Variants in CACNA1B observed in about 807,000 individuals in gnomAD.
CACNA1B encodes voltage-dependent N-type calcium channel subunit alpha-1B.
A neutral mutation model predicts 247.2 loss-of-function variants in CACNA1B; 70 were observed. That is an observed-to-expected ratio of 0.28 (90% CI 0.23 to 0.35). The LOEUF is 0.35. Ranked by LOEUF, CACNA1B falls within the 10% of genes least tolerant of loss-of-function variation. The pLI is 1.00. For missense variants in CACNA1B, 2,367 were observed against 3,197.4 expected, an observed-to-expected ratio of 0.74 and a Z score of 6.26; for synonymous variants, 1,231 against 1,294.4, an observed-to-expected ratio of 0.95 and a Z score of 1.05.
rs200647995 is a variant in CACNA1B at position 138,105,704 on chromosome 9, G to A, written c.5325G>A (p.Leu1775=). The A allele has an allele frequency of 3.9e-6, 6 of 1,550,210 alleles. No homozygotes were observed. In the South Asian group the frequency reaches 4.7e-5, roughly 12 times the overall value. ...CCGGCCCTGCTTGTCCCTAGCGCCT[G>A]GTTCGCATGAACATGCCCATCTCCA... The part of the protein sequence containing the change: ...KCPARVAYKR[L]VRMNMPISNE... Residue 1775 remains leucine (L), a synonymous_variant, in exon 39 of 47, where the codon CTG becomes CTA. Transcript: ENST00000371372.
chr9:137,969,903 G>C (rs1226495580), intron 10 of CACNA1B, among the ~76,000 whole-genome samples: 1 of 152,140 alleles, frequency 6.6e-6, no homozygotes. Flanking sequence ...TGTGGGGAGT[G>C]GTCATCCCTG....
chr9:137,884,132 C>G (rs1418689864), intron 3 of CACNA1B, among the ~76,000 whole-genome samples: 30 of 152,200 alleles, frequency 2.0e-4, no homozygotes, highest in Admixed American at 1.4e-3. Flanking sequence ...GGGCTGGCCC[C>G]TGCTGGGTGA....
Position 138,077,115 on chromosome 9 carries a change from A to G in CACNA1B, c.4950-999A>G, listed in dbSNP as rs1441233275. On this transcript the variant is annotated intron_variant, in intron 35 of 46. Transcript: ENST00000371372. ...TCCCTGAACTTCGTGTTCCCTGGGA[A>G]CACCCTTATCAGTCAGGCCCAGCAC... Among the ~76,000 whole-genome samples, 5 of 152,138 alleles carry G rather than the reference A, an allele frequency of 3.3e-5. 1 individual carries two copies. In the South Asian group the frequency reaches 6.2e-4, roughly 19 times the overall value.
intron 3 of CACNA1B, among the ~76,000 whole-genome samples, chr9:137,909,550 G>A (rs1419028909): frequency 1.3e-5 from 2 of 151,964 alleles, no homozygotes; most frequent in South Asian, 2.1e-4. Flanking sequence ...TCCTTTTGTG[G>A]AGGAAGAACA....
At chr9:138,099,497 G>T (rs1381090859) in intron 37 of CACNA1B, among the ~76,000 whole-genome samples, 2 of 151,620 alleles carry the variant, frequency 1.3e-5, no homozygotes, top group Admixed American at 1.3e-4. Context: ...GTGTGTGCCT[G>T]TGGTGTGCAC....
rs202023610 is a variant in CACNA1B, at chr9:138,122,007, G to A, written c.*8G>A. ...CAAGACCACTGGTGCTAGCTGCACC[G>A]TGACCGCTCAGACGCCTGCATGCAG... On this transcript the variant is annotated 3_prime_UTR_variant, in exon 47 of 47. Transcript: ENST00000371372. 275 of 1,591,256 alleles carry A rather than the reference G, an allele frequency of 1.7e-4. No individual in the cohort carries two copies. Among genetic ancestry groups the A allele is most frequent in the African/African-American group, 2.3e-4 (17 of 74,690 alleles).
chr9:138,116,195 T>C (rs1196006366), intron 42 of CACNA1B, among the ~76,000 whole-genome samples: 1 of 152,220 alleles, frequency 6.6e-6, no homozygotes, highest in African/African-American at 2.4e-5. Flanking sequence ...GTCAATGGCC[T>C]TCTACTGCTC....
rs926849263 is a variant in CACNA1B, at chr9:138,011,396, G to A, written c.2160+1319G>A. Among the ~76,000 whole-genome samples, 1 of 152,180 alleles carries A rather than the reference G, an allele frequency of 6.6e-6. No individual in the cohort carries two copies. The highest frequency in any genetic ancestry group is 1.5e-5 in the Non-Finnish European group (1 of 68,042). ...CCTTTTGTGTAACTGGCCTCATTTA[G>A]GAATTTCTTCTCTGAGGATCGGGGC... On this transcript the variant is annotated intron_variant, in intron 17 of 46. Coordinates refer to ENST00000371372, the MANE Select transcript of CACNA1B (RefSeq NM_000718.4). This position sits in a 1 kb window ranked among gnomAD's most constrained non-coding sequence, Gnocchi z 4.2.
intron 15 of CACNA1B, among the ~76,000 whole-genome samples, chr9:138,005,507 CAGTT>C (rs1364865924): frequency 4.6e-5 from 7 of 152,272 alleles, no homozygotes; most frequent in East Asian, 1.9e-4. Flanking sequence ...GGTACAAACA[CAGTT>C]AGATAGAAGG....
At chr9:137,960,259 A>ATACCTGGGAGAGGGGAGACGC (rs1485917087) in intron 10 of CACNA1B, among the ~76,000 whole-genome samples, 70 of 141,482 alleles carry the variant, frequency 4.9e-4, no homozygotes, top group East Asian at 6.6e-4. Context: ...GGCCTGAGGG[A>ATACCTGGGAGAGGGGAGACGC]CACCCGGAGA....
Position 138,102,028 on chromosome 9 carries a change from C to T in CACNA1B, c.5223-683C>T, listed in dbSNP as rs929690580. On this transcript the variant is annotated intron_variant, in intron 37 of 46. Transcript: ENST00000371372. This position sits in a 1 kb window ranked among gnomAD's most constrained non-coding sequence, Gnocchi z 5.4. ...TCCTGCCAGCTCCTCCCCCCTCCCG[C>T]AGTCTCCCATTTCCCACCCAGCCCT... is the stretch of plus-strand genomic sequence containing the variant. Among the ~76,000 whole-genome samples the T allele has an allele frequency of 6.6e-6, 1 of 152,194 alleles. No homozygotes were observed. Among genetic ancestry groups the T allele is most frequent in the African/African-American group, 2.4e-5 (1 of 41,460 alleles).
chr9:138,073,364 T>G lies in CACNA1B; in HGVS notation c.4675-124T>G, dbSNP rs1749663556. 6.2e-6 allele frequency: 4 copies of G among 642,212 alleles called. No individual in the cohort carries two copies. Among genetic ancestry groups the G allele is most frequent in the South Asian group, 1.9e-5 (1 of 52,048 alleles). 39.8% of individuals were successfully genotyped at this position (642,212 alleles called of 1,614,324 possible). A position where few individuals can be genotyped will look rare whatever the true frequency, so the allele number is the denominator to read the frequency against. On this transcript the variant is annotated intron_variant, in intron 32 of 46. Coordinates refer to ENST00000371372, the MANE Select transcript of CACNA1B (RefSeq NM_000718.4). This position sits in a 1 kb window ranked among gnomAD's most constrained non-coding sequence, Gnocchi z 6.4. Reference sequence around the variant, plus strand: ...AGACTGTGAAGCAGAGACCTTTGATTTTAATCTTTTTAACCACTTTTCTTT... The same window carrying G: ...AGACTGTGAAGCAGAGACCTTTGATGTTAATCTTTTTAACCACTTTTCTTT...
chr9:137,992,106 A>C lies in CACNA1B; in HGVS notation c.1974+5252A>C, dbSNP rs181855942. ...ATCTCACATCTCAATATTAATGTTG[A>C]ATGTAAATGACCTAAATGCTCCACT... On this transcript the variant is annotated intron_variant, in intron 15 of 46. Coordinates refer to ENST00000371372, the MANE Select transcript of CACNA1B (RefSeq NM_000718.4). Among the ~76,000 whole-genome samples the C allele has an allele frequency of 1.9e-3, 290 of 152,364 alleles. 1 individual carries two copies. The highest frequency in any genetic ancestry group is 2.9e-3 in the Admixed American group (44 of 15,310).
rs189891997 is a variant in CACNA1B at position 138,093,624 on chromosome 9, C to G, written c.5095-2860C>G. ...GGTGTGGTCTCATACACTTGTAATC[C>G]CAGGTACTCAGGAGGCTAAGGCAGA... is the stretch of plus-strand genomic sequence containing the variant. On this transcript the variant is annotated intron_variant, in intron 36 of 46. Transcript: ENST00000371372. Among the ~76,000 whole-genome samples the G allele has an allele frequency of 1.1e-4, 16 of 151,668 alleles. No homozygotes were observed. In the East Asian group the frequency reaches 2.9e-3, roughly 28 times the overall value.
chr9:138,068,404 A>G (rs924924913), intron 31 of CACNA1B, among the ~76,000 whole-genome samples: 6 of 152,210 alleles, frequency 3.9e-5, no homozygotes, highest in African/African-American at 1.4e-4. Flanking sequence ...AAAAAAGTTA[A>G]TGATCTGAGT....
At chr9:138,064,804 C>G (rs1287053604) in intron 31 of CACNA1B, among the ~76,000 whole-genome samples, 1 of 152,230 alleles carries the variant, frequency 6.6e-6, no homozygotes, top group Non-Finnish European at 1.5e-5. Flanking sequence ...TTCTCTTCTT[C>G]CCAAAGGAAT....
rs1459956538 is a variant in CACNA1B at position 138,052,926 on chromosome 9, C to G, written c.3807+738C>G. ...GGAGACGGTTGTGGCCCCACCTTCC[C>G]GTCACAGCTAGATCAGAGCAGCCTG... On this transcript the variant is annotated intron_variant, in intron 25 of 46. Transcript: ENST00000371372. The surrounding 1 kb of genome is among the most constrained non-coding windows in gnomAD (Gnocchi z 5.1). Among the ~76,000 whole-genome samples the G allele has an allele frequency of 6.6e-6, 1 of 152,188 alleles. No individual in the cohort carries two copies. Among genetic ancestry groups the G allele is most frequent in the Admixed American group, 6.5e-5 (1 of 15,288 alleles).
intron 3 of CACNA1B, among the ~76,000 whole-genome samples, chr9:137,912,842 A>T (rs569063605): frequency 6.6e-6 from 1 of 152,142 alleles, no homozygotes; most frequent in Non-Finnish European, 1.5e-5. Flanking sequence ...CTTAAACTCA[A>T]TTGGTAGACA....
At chr9:137,989,058 C>G (rs1173855977) in intron 15 of CACNA1B, among the ~76,000 whole-genome samples, 1 of 152,154 alleles carries the variant, frequency 6.6e-6, no homozygotes, top group African/African-American at 2.4e-5. Flanking sequence ...GCATCCCAGA[C>G]AGTGCCAACA....
Sources: allele counts gnomAD v4.1 joint callset (sites outside exome capture counted in the v4.1 genomes callset), GRCh38; gene constraint gnomAD v4.1.1; non-coding constraint Gnocchi (gnomAD v3.1); transcripts MANE v1.5; gene names NCBI Gene and HGNC (gene_info 2026-07-23, HGNC 2026-07-21).